Variants in DOK5 observed in about 807,000 individuals in gnomAD.
DOK5 encodes the protein docking protein 5, also known as downstream of tyrosine kinase 5.
DOK5 carries 27 observed loss-of-function variants against 43.3 expected under a neutral mutation model. The observed-to-expected ratio is 0.62, with a 90% CI of 0.46 to 0.86. The LOEUF (loss-of-function observed/expected upper bound fraction) is 0.86. Ranked by LOEUF, DOK5 falls within the 40% of genes least tolerant of loss-of-function variation. The probability of loss-of-function intolerance (pLI) is 0.00; values close to 1 mark genes in which losing one functional copy is unlikely to be tolerated. For synonymous variants in DOK5, 146 were observed against 140.1 expected, an observed-to-expected ratio of 1.04 and a Z score of -0.30; for missense variants, 373 against 392.9, an observed-to-expected ratio of 0.95 and a Z score of 0.43.
At chr20:54,573,820 CT>C (rs1985371435) in intron 2 of DOK5, among the ~76,000 whole-genome samples, 1 of 152,004 alleles carries the variant, frequency 6.6e-6, no homozygotes, top group East Asian at 1.9e-4. Flanking sequence ...TAGGAGCTTC[CT>C]GAAAGTTCCA....
chr20:54,611,714 G>A (rs1301219437), intron 6 of DOK5, among the ~76,000 whole-genome samples: 5 of 152,190 alleles, frequency 3.3e-5, no homozygotes, highest in Non-Finnish European at 7.3e-5. Context: ...CTTCACATCT[G>A]GAAGGAAATA....
intron 6 of DOK5, among the ~76,000 whole-genome samples, chr20:54,614,322 G>A (rs1174807801): frequency 6.6e-6 from 1 of 152,142 alleles, no homozygotes; most frequent in Non-Finnish European, 1.5e-5. Flanking sequence ...AGACATCAGT[G>A]GATGGATGGA....
chr20:54,542,986 TTAGAG>T (rs1167896932), intron 1 of DOK5, among the ~76,000 whole-genome samples: 1 of 152,136 alleles, frequency 6.6e-6, no homozygotes, highest in Non-Finnish European at 1.5e-5. Flanking sequence ...AGTTGGTAGC[TTAGAG>T]TAGAGTAGCA....
chr20:54,524,415 T>C (rs1796410186), intron 1 of DOK5, among the ~76,000 whole-genome samples: 1 of 152,178 alleles, frequency 6.6e-6, no homozygotes, highest in South Asian at 2.1e-4. Context: ...ACTGAACAGT[T>C]CCTGGAAACT....
intron 2 of DOK5, among the ~76,000 whole-genome samples, chr20:54,574,971 A>G (rs1262597264): frequency 6.6e-6 from 1 of 152,208 alleles, no homozygotes; most frequent in Non-Finnish European, 1.5e-5. Context: ...ATTTTCTGGC[A>G]TTCTTTGCCT....
At chr20:54,633,106 AAC>A (rs1978648299) in intron 6 of DOK5, among the ~76,000 whole-genome samples, 1 of 151,938 alleles carries the variant, frequency 6.6e-6, no homozygotes, top group Non-Finnish European at 1.5e-5. Context: ...AAACAAAAAA[AAC>A]AAATGCCTGG....
chr20:54,631,026 C>A (rs1240253626), intron 6 of DOK5, among the ~76,000 whole-genome samples: 1 of 151,844 alleles, frequency 6.6e-6, no homozygotes, highest in East Asian at 1.9e-4. Flanking sequence ...GGGAAATGAA[C>A]AAACAAAGTA....
chr20:54,489,688 C>T (rs569054949), intron 1 of DOK5, among the ~76,000 whole-genome samples: 2 of 151,944 alleles, frequency 1.3e-5, no homozygotes, highest in Admixed American at 1.3e-4. Flanking sequence ...AGTTTTTGGC[C>T]AGCTCACACA....
chr20:54,475,601 C>A lies in DOK5; in HGVS notation c.-346C>A. On this transcript the variant is annotated 5_prime_UTR_variant, in exon 1 of 8. Transcript: ENST00000262593. This position sits in a 1 kb window ranked among gnomAD's most constrained non-coding sequence, Gnocchi z 4.2. ...TCCTCCTCCTCCTCCTCCTTCTTCTCCTCCTTCTCGGCCGGGAGGAGGCAG... is the reference window on the plus strand; with the variant it reads ...TCCTCCTCCTCCTCCTCCTTCTTCTACTCCTTCTCGGCCGGGAGGAGGCAG... 2.9e-6 allele frequency: 1 copy of A among 344,464 alleles called. No individual in the cohort carries two copies. Among genetic ancestry groups the A allele is most frequent in the Non-Finnish European group, 5.1e-6 (1 of 194,408 alleles). 21.3% of individuals were successfully genotyped at this position (344,464 alleles called of 1,614,324 possible). A position where few individuals can be genotyped will look rare whatever the true frequency, so the allele number is the denominator to read the frequency against.
At chr20:54,602,551 T>G (rs1044687417) in intron 5 of DOK5, among the ~76,000 whole-genome samples, 1 of 152,242 alleles carries the variant, frequency 6.6e-6, no homozygotes, top group South Asian at 2.1e-4. Flanking sequence ...AACATTTCAG[T>G]TGGATGCCGC....
chr20:54,476,175 C>A, intron 1 of DOK5, 163 bp downstream of exon 1: 12 of 985,396 alleles, frequency 1.2e-5, no homozygotes, highest in Non-Finnish European at 1.2e-5. Flanking sequence ...CACTGTAAGG[C>A]CAGCGTCTAG....
chr20:54,502,348 T>TA (rs1415298324), intron 1 of DOK5, among the ~76,000 whole-genome samples: 4 of 152,158 alleles, frequency 2.6e-5, no homozygotes, highest in Non-Finnish European at 5.9e-5. Context: ...TGAATCAGAG[T>TA]AAACCAGAAA....
At chr20:54,538,277 A>G (rs1406109438) in intron 1 of DOK5, among the ~76,000 whole-genome samples, 3 of 152,046 alleles carry the variant, frequency 2.0e-5, no homozygotes, top group Admixed American at 6.5e-5. Flanking sequence ...AATAAACTCA[A>G]TGAAATAATG....
At chr20:54,563,581 A>T (rs1340354536) in intron 2 of DOK5, among the ~76,000 whole-genome samples, 1 of 151,340 alleles carries the variant, frequency 6.6e-6, no homozygotes, top group Non-Finnish European at 1.5e-5. Flanking sequence ...ATGTTCTGAT[A>T]CTGAGACTGA....
intron 6 of DOK5, among the ~76,000 whole-genome samples, chr20:54,634,159 G>A (rs1179536090): frequency 1.3e-5 from 2 of 152,174 alleles, no homozygotes; most frequent in African/African-American, 4.8e-5. Flanking sequence ...ATGCGCAGTG[G>A]TCCGGTCATT....
At chr20:54,584,121 G>A (rs1199924078) in intron 2 of DOK5, among the ~76,000 whole-genome samples, 1 of 152,040 alleles carries the variant, frequency 6.6e-6, no homozygotes, top group Non-Finnish European at 1.5e-5. Context: ...ACAAGCCTGG[G>A]TGACAGAGTG....
Position 54,506,091 on chromosome 20 carries a change from T to A in DOK5, c.66+30079T>A, listed in dbSNP as rs1032704479. 4.0e-5 allele frequency among the ~76,000 whole-genome samples: 6 copies of A among 151,826 alleles called. No individual in the cohort carries two copies. The South Asian group carries it at 1.3e-3, about 32-fold the overall frequency. Reference sequence around the variant, plus strand: ...TGAACTGGGGTTAGAGCTGTAGAGGTGGTGAGAAGCAGCCCAGCTCTGCCT... The same window carrying A: ...TGAACTGGGGTTAGAGCTGTAGAGGAGGTGAGAAGCAGCCCAGCTCTGCCT... On this transcript the variant is annotated intron_variant, in intron 1 of 7. Transcript: ENST00000262593.
intron 2 of DOK5, among the ~76,000 whole-genome samples, chr20:54,574,483 G>T (rs907582040): frequency 2.6e-5 from 4 of 152,160 alleles, no homozygotes; most frequent in African/African-American, 9.7e-5. Flanking sequence ...GGATGAGGAT[G>T]TCTGTGTGTA....
intron 1 of DOK5, among the ~76,000 whole-genome samples, chr20:54,505,807 G>A (rs149352944): frequency 6.6e-6 from 1 of 152,282 alleles, no homozygotes; most frequent in Non-Finnish European, 1.5e-5. Context: ...AAGGACAAGA[G>A]CCTTGAGGTG....
Sources: allele counts gnomAD v4.1 joint callset (sites outside exome capture counted in the v4.1 genomes callset), GRCh38; gene constraint gnomAD v4.1.1; non-coding constraint Gnocchi (gnomAD v3.1); transcripts MANE v1.5; gene names NCBI Gene and HGNC (gene_info 2026-07-23, HGNC 2026-07-21).